The following MICU3 variants were observed in gnomAD, a reference collection of about 807,000 sequenced individuals.
The protein encoded by MICU3 is calcium uptake protein 3, mitochondrial.
Under a neutral mutation model 66.5 loss-of-function variants are expected in MICU3, and 62 were observed. That is an observed-to-expected ratio of 0.93 (90% CI 0.76 to 1.15). MICU3 has a LOEUF of 1.15. Among genes scored for constraint, MICU3 ranks in the 50% most tolerant of loss-of-function variants. MICU3 has a pLI of 0.00. For synonymous variants in MICU3, 308 were observed against 240.7 expected (o/e 1.28, Z -2.59); for missense variants, 779 against 664.4 (o/e 1.17, Z -1.90).
At chr8:17,044,021 A>G (rs531385785) in intron 1 of MICU3, among the ~76,000 whole-genome samples, 1 of 152,322 alleles carries the variant, frequency 6.6e-6, no homozygotes, top group South Asian at 2.1e-4. Flanking sequence ...TCGTTTATAA[A>G]TATTCTAAAA....
chr8:17,094,652 A>T (rs531073606), intron 8 of MICU3, among the ~76,000 whole-genome samples: 16 of 151,998 alleles, frequency 1.1e-4, no homozygotes, highest in Non-Finnish European at 1.8e-4. Flanking sequence ...TTTTAAAAAA[A>T]AAATGTCTAC....
chr8:17,102,859 T>C (rs1332084490), intron 9 of MICU3: 1 of 151,986 alleles, frequency 6.6e-6, no homozygotes, highest in African/African-American at 2.4e-5. Flanking sequence ...TGGAGAATTC[T>C]TGGGATTTCT....
intron 8 of MICU3, among the ~76,000 whole-genome samples, chr8:17,091,403 G>C (rs938156194): frequency 7.9e-5 from 12 of 151,994 alleles, no homozygotes; most frequent in Admixed American, 1.3e-4. Flanking sequence ...TCCACCATAG[G>C]AGCCCTTGAA....
At chr8:17,032,132 T>G (rs1185105033) in intron 1 of MICU3, among the ~76,000 whole-genome samples, 2 of 152,242 alleles carry the variant, frequency 1.3e-5, no homozygotes, top group Non-Finnish European at 2.9e-5. Flanking sequence ...AAAGCAGTTA[T>G]TTTTAGCATT....
chr8:17,093,285 A>C lies in MICU3; in HGVS notation c.888+2701A>C, dbSNP rs573844679. Among the ~76,000 whole-genome samples the C allele has an allele frequency of 2.5e-3, 386 of 152,194 alleles. 2 individuals are homozygous for C. The highest frequency in any genetic ancestry group is 8.6e-3 in the African/African-American group (358 of 41,560). On this transcript the variant is annotated intron_variant, in intron 8 of 14. Coordinates refer to ENST00000318063, the MANE Select transcript of MICU3 (RefSeq NM_181723.3). ...AGTACATTTGACTTTGGCATGTATT[A>C]GAGGATTTTTTTAGAAGATTATTCT...
the MICU3 span, among the ~76,000 whole-genome samples, chr8:17,129,884 T>C: frequency 2.6e-5 from 4 of 152,144 alleles, no homozygotes; most frequent in African/African-American, 4.8e-5. Context: ...AGACAAAAGA[T>C]ATATACAAGG....
At chr8:17,054,937 C>G (rs1180779297) in intron 1 of MICU3, among the ~76,000 whole-genome samples, 1 of 151,880 alleles carries the variant, frequency 6.6e-6, no homozygotes, top group East Asian at 1.9e-4. Flanking sequence ...TGGGGTTTCA[C>G]TATGTTGGCC....
At chr8:17,125,441 G>T (rs903364912), downstream of MICU3, among the ~76,000 whole-genome samples, 11 of 151,874 alleles carry the variant, frequency 7.2e-5, no homozygotes, top group Admixed American at 5.2e-4. Context: ...CAAATATCTG[G>T]CAATCCTTTG....
At chr8:17,037,545 G>A (rs1359755385) in intron 1 of MICU3, among the ~76,000 whole-genome samples, 1 of 152,206 alleles carries the variant, frequency 6.6e-6, no homozygotes, top group Non-Finnish European at 1.5e-5. Context: ...GTAGAAGTCT[G>A]CTGCAAGGAC....
chr8:17,112,247 T>C (rs190683806), intron 11 of MICU3, among the ~76,000 whole-genome samples: 1 of 152,374 alleles, frequency 6.6e-6, no homozygotes, highest in East Asian at 1.9e-4. Flanking sequence ...ATTCCGGTAC[T>C]CTCAGTGCAT....
chr8:17,103,286 GA>G (rs1400017665), intron 9 of MICU3, among the ~76,000 whole-genome samples: 1 of 151,840 alleles, frequency 6.6e-6, no homozygotes, highest in Admixed American at 6.6e-5. Flanking sequence ...AAAGGAATAT[GA>G]AAATTTAGTA....
At chr8:17,074,634 T>TGTGTGTGTGTG (rs1563334864) in intron 3 of MICU3, among the ~76,000 whole-genome samples, 1 of 146,412 alleles carries the variant, frequency 6.8e-6, no homozygotes, top group African/African-American at 2.5e-5. Flanking sequence ...TGTGTGTGTG[T>TGTGTGTGTGTG]TTAACTTGCC....
At chr8:17,093,374 T>C (rs149240023) in intron 8 of MICU3, among the ~76,000 whole-genome samples, 375 of 152,160 alleles carry the variant, frequency 2.5e-3, no homozygotes, top group African/African-American at 8.6e-3. Flanking sequence ...CTTTGGTGTA[T>C]ATTGAGACTT....
intron 2 of MICU3, among the ~76,000 whole-genome samples, chr8:17,066,451 TTA>T (rs1399041171): frequency 6.7e-6 from 1 of 149,402 alleles, no homozygotes; most frequent in East Asian, 2.0e-4. Context: ...AAATGGTATT[TTA>T]TATCAAATTC....
chr8:17,092,202 G>A (rs930717856), intron 8 of MICU3, among the ~76,000 whole-genome samples: 5 of 151,850 alleles, frequency 3.3e-5, no homozygotes, highest in African/African-American at 1.2e-4. Flanking sequence ...AATGTAATAT[G>A]TCATCACTGT....
intron 8 of MICU3, among the ~76,000 whole-genome samples, chr8:17,091,709 A>G (rs1193015426): frequency 1.3e-5 from 2 of 152,054 alleles, no homozygotes; most frequent in Non-Finnish European, 2.9e-5. Context: ...AATTTTTTCT[A>G]CAGAAATCAC....
At chr8:17,084,176 T>C (rs1018210188) in intron 5 of MICU3, among the ~76,000 whole-genome samples, 17 of 152,254 alleles carry the variant, frequency 1.1e-4, no homozygotes, top group African/African-American at 4.1e-4. Context: ...TGTCTCCCTC[T>C]TTACTTTGTA....
chr8:17,030,029 C>G (rs930287547), intron 1 of MICU3, among the ~76,000 whole-genome samples: 2 of 152,036 alleles, frequency 1.3e-5, no homozygotes, highest in Non-Finnish European at 2.9e-5. Context: ...TTTATTTCTG[C>G]TATTCTACTT....
At position 17,109,983 on chromosome 8, in the gene MICU3, C is replaced by A. The variant is rs191082774; in HGVS notation, c.1258-4110C>A. ...TGGAGTTTGGATTTATTTCTCCTAA[C>A]CTTTTAAACTCACTTATATTTCTAA... On this transcript the variant is annotated intron_variant, in intron 11 of 14. Coordinates refer to ENST00000318063, the MANE Select transcript of MICU3 (RefSeq NM_181723.3). Among the ~76,000 whole-genome samples, 1,008 of 152,236 alleles carry A rather than the reference C, an allele frequency of 6.6e-3. 7 individuals carry two copies. Among genetic ancestry groups the A allele is most frequent in the Middle Eastern group, 0.02 (6 of 294 alleles).
Sources: allele counts gnomAD v4.1 joint callset (sites outside exome capture counted in the v4.1 genomes callset), GRCh38; gene constraint gnomAD v4.1.1; transcripts MANE v1.5; gene names NCBI Gene and HGNC (gene_info 2026-07-23, HGNC 2026-07-21).